Variants in HEATR5B observed in about 807,000 individuals in gnomAD.
The protein encoded by HEATR5B is HEAT repeat containing 5B.
Under a neutral mutation model 224.1 loss-of-function variants are expected in HEATR5B, and 156 were observed. That is an observed-to-expected ratio of 0.70 (90% CI 0.61 to 0.80). The LOEUF is 0.80. HEATR5B is among the 30% of genes least tolerant of loss of function. The pLI, the probability that HEATR5B is intolerant of heterozygous loss-of-function variation, is 0.00. For missense variants in HEATR5B, 2,323 were observed against 2,535.5 expected, an observed-to-expected ratio of 0.92 and a Z score of 1.80; for synonymous variants, 1,027 against 893.0, an observed-to-expected ratio of 1.15 and a Z score of -2.68.
chr2:36,988,396 G>A (rs1459563724), intron 35 of HEATR5B, among the ~76,000 whole-genome samples: 2 of 151,940 alleles, frequency 1.3e-5, no homozygotes, highest in African/African-American at 4.8e-5. Flanking sequence ...CCAAGTAGCT[G>A]GGACAGCAGG....
chr2:37,056,399 T>C (rs1299986714), intron 16 of HEATR5B, 41 bp downstream of exon 16: 4 of 1,426,040 alleles, frequency 2.8e-6, no homozygotes, highest in Admixed American at 2.3e-5. Flanking sequence ...TTTAACATAA[T>C]ATATATTTAA....
intron 24 of HEATR5B, among the ~76,000 whole-genome samples, chr2:37,022,742 G>A (rs1668542374): frequency 6.6e-6 from 1 of 152,184 alleles, no homozygotes; most frequent in East Asian, 1.9e-4. Context: ...TTTAGCCCTA[G>A]AGTAAAAGTT....
Position 36,984,215 on chromosome 2 carries a change from A to AAAAAAAAAAAAAAAATATATAT in HEATR5B, c.5912-2422_5912-2421insATATATATTTTTTTTTTTTTTT. On this transcript the variant is annotated intron_variant, in intron 35 of 35. Transcript: ENST00000233099. The stretch of plus-strand genomic sequence containing the variant: ...AACTCTGTCTCAAAAAAAAAAAAAA[A>AAAAAAAAAAAAAAAATATATAT]ATATATATATATATATATATATAAA... Among the ~76,000 whole-genome samples, 23 of 77,618 alleles carry AAAAAAAAAAAAAAAATATATAT rather than the reference A, an allele frequency of 3.0e-4. No homozygotes were observed. In the East Asian group the frequency reaches 5.6e-3, roughly 19 times the overall value. The allele number at this position is 77,618 out of a possible 152,430, so 50.9% of individuals were successfully genotyped here.
rs1274756853 is a variant in HEATR5B at position 37,065,121 on chromosome 2, C to T, written c.1334-131G>A. 38 of 819,786 alleles carry T rather than the reference C, an allele frequency of 4.6e-5. No individual in the cohort carries two copies. The Admixed American group carries it at 9.6e-4, about 21-fold the overall frequency. 50.8% of individuals were successfully genotyped at this position (819,786 alleles called of 1,614,324 possible). Reference sequence around the variant, plus strand: ...TCACACATATAGATCCACAACTTTGCCTAAAACTACATACAGTAGAGTACT... The same window carrying T: ...TCACACATATAGATCCACAACTTTGTCTAAAACTACATACAGTAGAGTACT... On this transcript the variant is annotated intron_variant, in intron 9 of 35. Transcript: ENST00000233099.
At chr2:37,057,784 G>A (rs1289084269) in intron 14 of HEATR5B, among the ~76,000 whole-genome samples, 30 of 152,114 alleles carry the variant, frequency 2.0e-4, no homozygotes, top group Admixed American at 2.0e-3. Context: ...TGAGGCAGGA[G>A]GATTGCTTGA....
chr2:36,982,480 T>C (rs1665647750), intron 35 of HEATR5B, among the ~76,000 whole-genome samples: 1 of 152,172 alleles, frequency 6.6e-6, no homozygotes, highest in Non-Finnish European at 1.5e-5. Flanking sequence ...TTTTTAACAA[T>C]TAACCTTTAT....
At position 37,028,832 on chromosome 2, in the gene HEATR5B, C is replaced by T. The variant is rs1448868027; in HGVS notation, c.3450G>A (p.Glu1150=). 3 of 1,613,992 alleles carry T rather than the reference C, an allele frequency of 1.9e-6. No homozygotes were observed. In the African/African-American group the frequency reaches 4.0e-5, roughly 22 times the overall value. ...QGVNITETGL[E]GLLFGMLDRE... ...GGTCTAGCATTCCAAAAAGAAGTCC[C>T]TCAAGACCAGTTTCTGTTATATTAA... Residue 1150 remains glutamate, a synonymous_variant, in exon 23 of 36, where the codon GAG becomes GAA. Coordinates refer to ENST00000233099, the MANE Select transcript of HEATR5B (RefSeq NM_019024.3).
At chr2:37,032,582 T>A (rs747293344) in intron 22 of HEATR5B, 47 bp downstream of exon 22, 3 of 1,503,932 alleles carry the variant, frequency 2.0e-6, no homozygotes, top group East Asian at 4.5e-5. Flanking sequence ...AACTGAAATG[T>A]AAAAGTAGTT....
chr2:37,009,577 CA>C (rs1388148675), intron 27 of HEATR5B, among the ~76,000 whole-genome samples: 8 of 149,164 alleles, frequency 5.4e-5, no homozygotes, highest in Admixed American at 5.3e-4. Context: ...GATCCTGTCT[CA>C]AAAAAAGAAA....
intron 18 of HEATR5B, among the ~76,000 whole-genome samples, chr2:37,042,380 A>G (rs1456025965): frequency 6.6e-6 from 1 of 152,216 alleles, no homozygotes; most frequent in African/African-American, 2.4e-5. Context: ...TCTGAACAGG[A>G]CCTAGTTTTA....
intron 19 of HEATR5B, 114 bp from the exon 20 acceptor site, chr2:37,040,632 G>T: frequency 1.5e-6 from 1 of 673,956 alleles, no homozygotes; most frequent in Non-Finnish European, 2.4e-6. Flanking sequence ...CTAACAATGT[G>T]AAGTAGCAAA....
intron 14 of HEATR5B, among the ~76,000 whole-genome samples, chr2:37,058,011 ATAT>A (rs1006763677): frequency 1.3e-5 from 2 of 152,180 alleles, no homozygotes; most frequent in Non-Finnish European, 1.5e-5. Context: ...ATTTTACATA[ATAT>A]TTGATTTCTC....
intron 8 of HEATR5B, among the ~76,000 whole-genome samples, chr2:37,066,216 G>A (rs367922655): frequency 7.2e-5 from 11 of 152,078 alleles, no homozygotes; most frequent in South Asian, 2.1e-4. Context: ...AAGAAGACTC[G>A]GGTTCAAATC....
Position 36,981,625 on chromosome 2 carries a change from A to G in HEATR5B, c.6081T>C (p.Ala2027=), listed in dbSNP as rs770176725. ...CTAGACGCACTTTCAACTCAGGAGC[A>G]GCCCCCATTACTGTCTTGAAAGCAT... is the stretch of plus-strand genomic sequence containing the variant. ...YPHAFKTVMG[A]APELKVRLET... Residue 2027 remains alanine, a synonymous_variant, in exon 36 of 36, where the codon GCT becomes GCC. Transcript: ENST00000233099. 1.9e-6 allele frequency: 3 copies of G among 1,614,228 alleles called. No individual in the cohort carries two copies. Among genetic ancestry groups the G allele is most frequent in the Non-Finnish European group, 2.5e-6 (3 of 1,180,044 alleles).
At chr2:37,038,211 C>G (rs1300108295) in intron 20 of HEATR5B, among the ~76,000 whole-genome samples, 187 bp from the exon 21 acceptor site, 2 of 152,134 alleles carry the variant, frequency 1.3e-5, no homozygotes, top group African/African-American at 4.8e-5. Context: ...GCGATCTCGG[C>G]TCACTGCAAC....
Position 37,053,614 on chromosome 2 carries a change from C to T in HEATR5B, c.2400-7G>A. On this transcript the variant is annotated splice_polypyrimidine_tract_variant and splice_region_variant and intron_variant, in intron 16 of 35. Transcript: ENST00000233099. ...GTGATCCAACATTTGTAATCTATAA[C>T]AATAAGAAAAAAAAATCACATTAGT... The T allele has an allele frequency of 6.4e-7, 1 of 1,554,986 alleles. No individual in the cohort carries two copies. The highest frequency in any genetic ancestry group is 8.8e-7 in the Non-Finnish European group (1 of 1,139,050).
At chr2:37,043,916 AT>A (rs1284676324) in intron 18 of HEATR5B, among the ~76,000 whole-genome samples, 1 of 152,086 alleles carries the variant, frequency 6.6e-6, no homozygotes, top group Non-Finnish European at 1.5e-5. Context: ...AGGTGAAATT[AT>A]TTTTTTTAAA....
chr2:37,048,647 C>T (rs914751956), intron 18 of HEATR5B, among the ~76,000 whole-genome samples: 1 of 152,086 alleles, frequency 6.6e-6, no homozygotes, highest in African/African-American at 2.4e-5. Context: ...TAATAAAAAG[C>T]TATTTCATAA....
At chr2:37,048,515 TA>T (rs200653419) in intron 18 of HEATR5B, among the ~76,000 whole-genome samples, 25,183 of 148,236 alleles carry the variant, frequency 0.17, 2,349 homozygotes, top group African/African-American at 0.24. Context: ...TCCTTGTAAT[TA>T]AAAAAAAAAA....
Sources: gnomAD v4.1 joint callset for allele counts (sites outside exome capture counted in the v4.1 genomes callset) on GRCh38, gnomAD v4.1.1 for gene constraint, MANE v1.5 for transcripts, NCBI Gene and HGNC (gene_info 2026-07-23, HGNC 2026-07-21) for gene names.